The following JMJD1C variants were observed in gnomAD, a reference collection of about 807,000 sequenced individuals.
The protein encoded by JMJD1C is jumonji domain-containing protein 1C.
In JMJD1C, 31 loss-of-function variants were observed where a neutral mutation model predicts 245.3. That is an observed-to-expected ratio of 0.13 (90% CI 0.09 to 0.17). The LOEUF (loss-of-function observed/expected upper bound fraction) is 0.17. Among genes scored for constraint, JMJD1C ranks in the 10% least tolerant of loss-of-function variants. JMJD1C has a pLI of 1.00. For missense variants in JMJD1C, 2,691 were observed against 3,000.2 expected (o/e 0.90, Z 2.41); for synonymous variants, 1,057 against 1,017.4 (o/e 1.04, Z -0.74).
intron 1 of JMJD1C, among the ~76,000 whole-genome samples, chr10:63,463,658 A>G (rs972336485): frequency 3.3e-5 from 5 of 152,252 alleles, no homozygotes; most frequent in African/African-American, 7.2e-5. Flanking sequence ...ATAAAGACAG[A>G]TTAAAAAAAC....
In JMJD1C at chr10:63,239,558, C is replaced by T. The variant is rs186657190; in HGVS notation, c.448-19575G>A. On this transcript the variant is annotated intron_variant, in intron 3 of 25. Transcript: ENST00000399262. ...TTCCTGGGTTCAAGCAATTCTCCTGCCTCAGCCTCCTGAGTAGCTGGGACT... is the reference window on the plus strand; with the variant it reads ...TTCCTGGGTTCAAGCAATTCTCCTGTCTCAGCCTCCTGAGTAGCTGGGACT... 6.8e-4 allele frequency among the ~76,000 whole-genome samples: 104 copies of T among 152,240 alleles called. 1 individual carries two copies. The highest frequency in any genetic ancestry group is 2.4e-3 in the African/African-American group (101 of 41,536).
chr10:63,328,734 C>G (rs1240661497), intron 2 of JMJD1C, among the ~76,000 whole-genome samples: 3 of 152,126 alleles, frequency 2.0e-5, no homozygotes, highest in Non-Finnish European at 1.5e-5. Flanking sequence ...CTGGAACATA[C>G]TATAATAAAT....
At chr10:63,350,225 T>A (rs1290134973) in intron 2 of JMJD1C, among the ~76,000 whole-genome samples, 1 of 152,168 alleles carries the variant, frequency 6.6e-6, no homozygotes, top group Non-Finnish European at 1.5e-5. Flanking sequence ...GTTTATTGTT[T>A]GTGAGTGGCA....
intron 2 of JMJD1C, among the ~76,000 whole-genome samples, chr10:63,305,607 C>T (rs1345465418): frequency 2.1e-5 from 3 of 139,678 alleles, no homozygotes; most frequent in African/African-American, 5.2e-5. Flanking sequence ...GCTGGGACTA[C>T]GGGCAAGCAC....
chr10:63,221,462 A>G (rs1210998640), intron 3 of JMJD1C, among the ~76,000 whole-genome samples: 2 of 152,388 alleles, frequency 1.3e-5, no homozygotes, highest in East Asian at 1.9e-4. Context: ...GAAAATACAT[A>G]GAAGTACTGC....
intron 2 of JMJD1C, among the ~76,000 whole-genome samples, chr10:63,356,606 T>C (rs1944865720): frequency 9.9e-5 from 15 of 152,178 alleles, no homozygotes; most frequent in Admixed American, 9.2e-4. Flanking sequence ...TTTACAATCA[T>C]AAGATATCAA....
At chr10:63,405,643 A>C (rs1949124417) in intron 1 of JMJD1C, among the ~76,000 whole-genome samples, 1 of 152,184 alleles carries the variant, frequency 6.6e-6, no homozygotes, top group African/African-American at 2.4e-5. Flanking sequence ...ATTTAAAAGG[A>C]AACAGTACTT....
intron 1 of JMJD1C, among the ~76,000 whole-genome samples, chr10:63,404,982 TCAA>T (rs951676185): frequency 1.3e-5 from 2 of 152,182 alleles, no homozygotes; most frequent in African/African-American, 4.8e-5. Flanking sequence ...TGTTTAAGGA[TCAA>T]CATGATACAA....
intron 2 of JMJD1C, among the ~76,000 whole-genome samples, chr10:63,364,381 A>G (rs1416906527): frequency 1.3e-5 from 2 of 152,194 alleles, no homozygotes; most frequent in Non-Finnish European, 2.9e-5. Context: ...TCACTAATTG[A>G]CACCCACTCC....
chr10:63,264,574 T>G (rs1459460778), intron 3 of JMJD1C, 77 bp downstream of exon 3: 2 of 669,662 alleles, frequency 3.0e-6, no homozygotes, highest in Admixed American at 5.5e-5. Flanking sequence ...ATTTAAAGAA[T>G]ATTGTTTAAA....
chr10:63,479,133 A>G (rs1161804135), intron 1 of JMJD1C, among the ~76,000 whole-genome samples: 4 of 152,140 alleles, frequency 2.6e-5, no homozygotes, highest in African/African-American at 9.7e-5. Flanking sequence ...TATGCTATAC[A>G]CTTTTTACGT....
intron 1 of JMJD1C, among the ~76,000 whole-genome samples, chr10:63,392,367 C>A (rs567541183): frequency 6.6e-6 from 1 of 151,970 alleles, no homozygotes; most frequent in Non-Finnish European, 1.5e-5. Context: ...ATGATAAATG[C>A]GACTATATTA....
At chr10:63,378,054 C>A (rs1168867540) in intron 2 of JMJD1C, among the ~76,000 whole-genome samples, 2 of 151,018 alleles carry the variant, frequency 1.3e-5, no homozygotes, top group African/African-American at 4.9e-5. Flanking sequence ...CTATTACTTT[C>A]ATACCACAGT....
At chr10:63,383,022 C>A (rs956043181) in intron 1 of JMJD1C, among the ~76,000 whole-genome samples, 1 of 151,866 alleles carries the variant, frequency 6.6e-6, no homozygotes, top group African/African-American at 2.4e-5. Flanking sequence ...CATGTAAACT[C>A]ACTTAAGGTA....
intron 2 of JMJD1C, among the ~76,000 whole-genome samples, chr10:63,342,210 T>C (rs1174051967): frequency 4.6e-5 from 7 of 152,156 alleles, no homozygotes; most frequent in African/African-American, 1.4e-4. Flanking sequence ...TGGTTCTGAG[T>C]CAAAGTGATT....
intron 8 of JMJD1C, among the ~76,000 whole-genome samples, chr10:63,210,105 T>A (rs1300581311): frequency 6.6e-6 from 1 of 152,082 alleles, no homozygotes; most frequent in Non-Finnish European, 1.5e-5. Context: ...ATTAAAAACA[T>A]ACACTATAGC....
At chr10:63,182,786 C>T (rs1293640681) in intron 22 of JMJD1C, among the ~76,000 whole-genome samples, 1 of 152,180 alleles carries the variant, frequency 6.6e-6, no homozygotes, top group Non-Finnish European at 1.5e-5. Context: ...ATGTTTGAGT[C>T]ACAAACCATA....
At chr10:63,252,042 C>A (rs1853161576) in intron 3 of JMJD1C, among the ~76,000 whole-genome samples, 1 of 152,074 alleles carries the variant, frequency 6.6e-6, no homozygotes, top group Non-Finnish European at 1.5e-5. Context: ...CTCTCACTTT[C>A]CCAATTGTCT....
chr10:63,214,940 T>C lies in JMJD1C; in HGVS notation c.1227A>G (p.Ile409Met), dbSNP rs914095191. 3.7e-6 allele frequency: 6 copies of C among 1,603,966 alleles called. No individual in the cohort carries two copies. Among genetic ancestry groups the C allele is most frequent in the Non-Finnish European group, 5.1e-6 (6 of 1,175,286 alleles). Residue 409 changes from isoleucine to methionine, a missense_variant, in exon 8 of 26, where the codon ATA becomes ATG. By Grantham distance (10) the Ile-to-Met change is conservative. Transcript: ENST00000399262. ...TATGGGGTTTTCCTTCTTCTCCATT[T>C]ATTTTTGAAGTATTTTTATTTTTCA... ...NELKNKNTSK[I>M]NGEEGKPHNN... is the part of the protein sequence containing the mutation.
Sources: allele counts gnomAD v4.1 joint callset (sites outside exome capture counted in the v4.1 genomes callset), GRCh38; gene constraint gnomAD v4.1.1; transcripts MANE v1.5; gene names NCBI Gene and HGNC (gene_info 2026-07-23, HGNC 2026-07-21).